The following ULK4 variants were observed in gnomAD, a reference collection of about 807,000 sequenced individuals.
The protein encoded by ULK4 is unc-51 like kinase 4, also known as inactive serine/threonine-protein kinase ULK4.
ULK4 carries 133 observed loss-of-function variants against 160.6 expected under a neutral mutation model. The observed-to-expected ratio is 0.83, with a 90% CI of 0.72 to 0.96. ULK4 has a LOEUF of 0.96. Among genes scored for constraint, ULK4 ranks in the 40% least tolerant of loss-of-function variants. ULK4 has a pLI of 0.00. For synonymous variants in ULK4, 534 were observed against 539.8 expected (o/e 0.99, Z 0.15); for missense variants, 1,580 against 1,499.5 (o/e 1.05, Z -0.89).
intron 34 of ULK4, among the ~76,000 whole-genome samples, chr3:41,403,033 C>T (rs745851953): frequency 6.6e-6 from 1 of 151,944 alleles, no homozygotes; most frequent in Non-Finnish European, 1.5e-5. Context: ...GCCTGTAATC[C>T]CAGCTACTTG....
At chr3:41,885,038 T>G (rs1383000630) in intron 16 of ULK4, among the ~76,000 whole-genome samples, 2 of 152,130 alleles carry the variant, frequency 1.3e-5, no homozygotes, top group African/African-American at 2.4e-5. Flanking sequence ...TTTTACTTTT[T>G]GTAGAGATGG....
chr3:41,692,737 G>T (rs1013885341), intron 27 of ULK4, among the ~76,000 whole-genome samples: 3 of 152,086 alleles, frequency 2.0e-5, no homozygotes, highest in African/African-American at 7.2e-5. Context: ...ATTCACTTGT[G>T]CTAAAGTTCA....
intron 8 of ULK4, among the ~76,000 whole-genome samples, chr3:41,914,267 A>C (rs984701968): frequency 6.6e-6 from 1 of 152,252 alleles, no homozygotes; most frequent in Non-Finnish European, 1.5e-5. Context: ...TACTTCAATC[A>C]AAAGTAAAAC....
At chr3:41,294,822 TC>T (rs1310845175) in intron 35 of ULK4, among the ~76,000 whole-genome samples, 22 of 152,282 alleles carry the variant, frequency 1.4e-4, no homozygotes, top group Non-Finnish European at 1.2e-4. Flanking sequence ...GGAGAGACAT[TC>T]CATGTTCTCA....
At chr3:41,300,588 T>C (rs1403610345) in intron 35 of ULK4, among the ~76,000 whole-genome samples, 3 of 151,792 alleles carry the variant, frequency 2.0e-5, no homozygotes, top group African/African-American at 7.3e-5. Context: ...TGTGTGAACC[T>C]TTATCTTAAG....
intron 22 of ULK4, among the ~76,000 whole-genome samples, chr3:41,731,490 A>G (rs1215285561): frequency 1.3e-5 from 2 of 152,158 alleles, no homozygotes; most frequent in African/African-American, 4.8e-5. Context: ...GGACACAAGT[A>G]AATGGAAAGA....
chr3:41,388,735 T>C (rs2081882691), intron 35 of ULK4, among the ~76,000 whole-genome samples: 1 of 152,082 alleles, frequency 6.6e-6, no homozygotes, highest in Non-Finnish European at 1.5e-5. Flanking sequence ...TTGATCTATA[T>C]CTCTGTTTTG....
At chr3:41,646,749 G>C (rs995147804) in intron 30 of ULK4, among the ~76,000 whole-genome samples, 9 of 152,168 alleles carry the variant, frequency 5.9e-5, no homozygotes, top group Non-Finnish European at 1.3e-4. Flanking sequence ...TGCCTTGCTA[G>C]ATTAGGGAAG....
intron 35 of ULK4, among the ~76,000 whole-genome samples, chr3:41,350,052 T>C (rs1417319902): frequency 6.6e-6 from 1 of 152,206 alleles, no homozygotes; most frequent in Non-Finnish European, 1.5e-5. Flanking sequence ...ATAAATGTGA[T>C]TTGTGAAAGT....
intron 15 of ULK4, 56 bp downstream of exon 15, chr3:41,896,766 T>G: frequency 6.6e-7 from 1 of 1,517,516 alleles, no homozygotes; most frequent in East Asian, 2.3e-5. Flanking sequence ...TAGCACTTGT[T>G]TGAGCCTCTA....
At chr3:41,732,581 T>C (rs926033621) in intron 22 of ULK4, among the ~76,000 whole-genome samples, 4 of 152,042 alleles carry the variant, frequency 2.6e-5, no homozygotes, top group African/African-American at 9.7e-5. Flanking sequence ...AAATTAAAAA[T>C]AGAACTACCA....
chr3:41,306,668 G>A (rs1223701360), intron 35 of ULK4, among the ~76,000 whole-genome samples: 3 of 152,058 alleles, frequency 2.0e-5, no homozygotes, highest in Non-Finnish European at 2.9e-5. Flanking sequence ...CATTGAGAAC[G>A]GGCCATGATG....
At chr3:41,509,169 T>C (rs2085490449) in intron 32 of ULK4, among the ~76,000 whole-genome samples, 1 of 151,688 alleles carries the variant, frequency 6.6e-6, no homozygotes, top group African/African-American at 2.4e-5. Context: ...CTTAGAGAAA[T>C]GCAAAATGCA....
chr3:41,337,759 A>G (rs558932528), intron 35 of ULK4, among the ~76,000 whole-genome samples: 2 of 152,262 alleles, frequency 1.3e-5, no homozygotes, highest in South Asian at 4.1e-4. Flanking sequence ...CAGACAGAAA[A>G]TCCAAATTTG....
At chr3:41,419,130 A>G (rs192391825) in intron 34 of ULK4, among the ~76,000 whole-genome samples, 100 of 152,340 alleles carry the variant, frequency 6.6e-4, no homozygotes, top group African/African-American at 2.4e-3. Context: ...ACTGTTAAAC[A>G]ATGCAGGTGG....
intron 32 of ULK4, among the ~76,000 whole-genome samples, chr3:41,477,239 A>T (rs1394375890): frequency 6.6e-6 from 1 of 152,218 alleles, no homozygotes; most frequent in East Asian, 1.9e-4. Flanking sequence ...GTTATTTTCA[A>T]GTGTTTAATG....
chr3:41,251,237 G>T (rs886772887), intron 35 of ULK4: 6 of 152,208 alleles, frequency 3.9e-5, no homozygotes, highest in Admixed American at 1.3e-4. Context: ...AACGCCAATT[G>T]AAAACTACGT....
intron 35 of ULK4, among the ~76,000 whole-genome samples, chr3:41,320,453 A>G (rs1016092435): frequency 6.6e-6 from 1 of 152,184 alleles, no homozygotes; most frequent in Admixed American, 6.5e-5. Flanking sequence ...TAATAAGTCT[A>G]GCGTAAATTC....
chr3:41,433,272 G>A (rs1246692604), intron 34 of ULK4, among the ~76,000 whole-genome samples: 1 of 152,102 alleles, frequency 6.6e-6, no homozygotes, highest in East Asian at 1.9e-4. Context: ...TGAAGGAAAT[G>A]CAAAACATCA....
Sources: allele counts gnomAD v4.1 joint callset (sites outside exome capture counted in the v4.1 genomes callset), GRCh38; gene constraint gnomAD v4.1.1; transcripts MANE v1.5; gene names NCBI Gene and HGNC (gene_info 2026-07-23, HGNC 2026-07-21).